Variants in MAP3K21 observed in about 807,000 individuals in gnomAD.
MAP3K21 encodes the protein mitogen-activated protein kinase kinase kinase MLK4.
MAP3K21 carries 63 observed loss-of-function variants against 86.1 expected under a neutral mutation model. The observed-to-expected ratio is 0.73, with a 90% confidence interval of 0.60 to 0.90. The LOEUF is 0.90. Among genes scored for constraint, MAP3K21 ranks in the 40% least tolerant of loss-of-function variants. The pLI is 0.00. For missense variants in MAP3K21, 1,220 were observed against 1,367.7 expected (o/e 0.89, Z 1.70); for synonymous variants, 558 against 564.8 (o/e 0.99, Z 0.17).
rs781344963 is a variant in MAP3K21, at chr1:233,362,291, C to T, written c.1550C>T (p.Ser517Leu). Residue 517 changes from serine to leucine, a missense_variant and splice_region_variant, in exon 5 of 10, where the codon TCA (serine) becomes TTA (leucine). Coordinates refer to ENST00000366624, the MANE Select transcript of MAP3K21 (RefSeq NM_032435.3). ...GATGGACATCGAATCAGTTTACCTT[C>T]AGGTATGATCTTGTTTTTATGTTTT... is the stretch of plus-strand genomic sequence containing the variant. ...LKDGHRISLP[S>L]DFQHKITVQA... 1.3e-5 allele frequency: 21 copies of T among 1,613,226 alleles called. No homozygotes were observed. The highest frequency in any genetic ancestry group is 1.8e-5 in the Non-Finnish European group (21 of 1,179,478).
At chr1:233,370,151 G>C (rs1421404910) in intron 5 of MAP3K21, among the ~76,000 whole-genome samples, 1 of 152,192 alleles carries the variant, frequency 6.6e-6, no homozygotes, top group East Asian at 1.9e-4. Flanking sequence ...TGCAGATGGA[G>C]AGAACAAAAG....
chr1:233,365,437 C>G (rs1246311221), intron 5 of MAP3K21, among the ~76,000 whole-genome samples: 1 of 152,042 alleles, frequency 6.6e-6, no homozygotes, highest in Non-Finnish European at 1.5e-5. Context: ...GGCAAAAACA[C>G]AAATAATTTG....
chr1:233,352,491 C>T (rs1382688136), intron 2 of MAP3K21, among the ~76,000 whole-genome samples: 3 of 151,484 alleles, frequency 2.0e-5, no homozygotes, highest in East Asian at 1.9e-4. Flanking sequence ...AGTGCAGTGG[C>T]GTGATCTCGG....
intron 5 of MAP3K21, among the ~76,000 whole-genome samples, chr1:233,369,029 G>A (rs1663634461): frequency 1.3e-5 from 2 of 152,240 alleles, no homozygotes; most frequent in Admixed American, 1.3e-4. Context: ...TATATTGAGG[G>A]AGGGGGCAGA....
intron 1 of MAP3K21, among the ~76,000 whole-genome samples, chr1:233,333,596 T>TA (rs1337312207): frequency 7.3e-5 from 4 of 55,120 alleles, no homozygotes; most frequent in Admixed American, 2.3e-4. Context: ...AATATTAAAA[T>TA]TAAAAAAAAA....
chr1:233,329,446 G>A (rs879259633), intron 1 of MAP3K21, among the ~76,000 whole-genome samples: 2 of 152,186 alleles, frequency 1.3e-5, no homozygotes, highest in African/African-American at 4.8e-5. Context: ...CTGAGGTTAC[G>A]AGTTTGAGAC....
chr1:233,351,177 A>G (rs1663246269), intron 2 of MAP3K21, among the ~76,000 whole-genome samples: 2 of 152,162 alleles, frequency 1.3e-5, no homozygotes, highest in East Asian at 1.9e-4. Flanking sequence ...GTCTCCTATA[A>G]TTAACTATAA....
At chr1:233,331,984 A>G (rs1392639355) in intron 1 of MAP3K21, among the ~76,000 whole-genome samples, 1 of 152,212 alleles carries the variant, frequency 6.6e-6, no homozygotes, top group African/African-American at 2.4e-5. Flanking sequence ...AGTAGAAAAT[A>G]CTTTATATAA....
chr1:233,381,363 T>A (rs1207889018), intron 9 of MAP3K21, among the ~76,000 whole-genome samples: 1 of 152,236 alleles, frequency 6.6e-6, no homozygotes, highest in Non-Finnish European at 1.5e-5. Context: ...CACTAAGTGC[T>A]CTGTAGAGCT....
At position 233,328,446 on chromosome 1, in the gene MAP3K21, C is replaced by T. The variant is rs867543710; in HGVS notation, c.418C>T (p.Arg140Cys). The T allele has an allele frequency of 6.7e-7, 1 of 1,495,144 alleles. No homozygotes were observed. The highest frequency in any genetic ancestry group is 8.8e-7 in the Non-Finnish European group (1 of 1,131,908). 92.6% of individuals were successfully genotyped at this position (1,495,144 alleles called of 1,614,324 possible). A position where few individuals can be genotyped will look rare whatever the true frequency, so the allele number is the denominator to read the frequency against. Residue 140 changes from arginine to cysteine, a missense_variant, in exon 1 of 10, where the codon CGC becomes TGC. Around this residue, in one of 5 missense-constraint regions of MAP3K21, gnomAD observed 369 missense variants for 385.3 expected, o/e 0.96. Coordinates refer to ENST00000366624, the MANE Select transcript of MAP3K21 (RefSeq NM_032435.3). This position sits in a 1 kb window ranked among gnomAD's most constrained non-coding sequence, Gnocchi z 8.7. ...CGCTGGGGGCTTCGGGCAGGTGTAC[C>T]GCGCCACCTGGCAGGGCCAGGAGGT... ...IGAGGFGQVY[R>C]ATWQGQEVAV...
chr1:233,373,457 A>T (rs1283781835), intron 6 of MAP3K21: 1 of 152,196 alleles, frequency 6.6e-6, no homozygotes, highest in Non-Finnish European at 1.5e-5. Flanking sequence ...TGGGACTTCA[A>T]ATGAATTCCA....
At chr1:233,356,435 G>A (rs558537762) in intron 4 of MAP3K21, among the ~76,000 whole-genome samples, 41 of 151,638 alleles carry the variant, frequency 2.7e-4, no homozygotes, top group Admixed American at 1.6e-3. Context: ...TTGAGATAGT[G>A]GCCATTATCA....
In MAP3K21 at chr1:233,372,540, C is replaced by T. The variant is rs552100889; in HGVS notation, c.1675+380C>T. 10 of 251,432 alleles carry T rather than the reference C, an allele frequency of 4.0e-5. 1 individual carries two copies. The East Asian group carries it at 6.7e-4, about 17-fold the overall frequency. 15.6% of individuals were successfully genotyped at this position (251,432 alleles called of 1,614,324 possible). A position where few individuals can be genotyped will look rare whatever the true frequency, so the allele number is the denominator to read the frequency against. On this transcript the variant is annotated intron_variant, in intron 6 of 9. Coordinates refer to ENST00000366624, the MANE Select transcript of MAP3K21 (RefSeq NM_032435.3). ...CAGGAATTCAGGATTACTTCTGTTT[C>T]TTTCTTTGTTTCGTGAGGGGAAAAA...
At chr1:233,352,921 T>C (rs911628124) in intron 2 of MAP3K21, among the ~76,000 whole-genome samples, 1 of 152,228 alleles carries the variant, frequency 6.6e-6, no homozygotes, top group Non-Finnish European at 1.5e-5. Flanking sequence ...AGAATAAATA[T>C]ATACAATGCA....
At chr1:233,357,829 T>A (rs1307127447) in intron 4 of MAP3K21, among the ~76,000 whole-genome samples, 1 of 152,196 alleles carries the variant, frequency 6.6e-6, no homozygotes, top group African/African-American at 2.4e-5. Context: ...GACTTCTGGG[T>A]GAATGCTGCA....
intron 8 of MAP3K21, among the ~76,000 whole-genome samples, chr1:233,377,574 G>A (rs1487624991): frequency 6.6e-6 from 1 of 152,128 alleles, no homozygotes; most frequent in Non-Finnish European, 1.5e-5. Flanking sequence ...GGGTTCTTTG[G>A]AGAAAGAAAG....
chr1:233,355,383 G>C (rs1663333101), intron 4 of MAP3K21, among the ~76,000 whole-genome samples: 1 of 152,084 alleles, frequency 6.6e-6, no homozygotes, highest in Non-Finnish European at 1.5e-5. Context: ...GTATGTCATA[G>C]GCATTCCCTG....
At chr1:233,347,423 A>G (rs1663168312) in intron 2 of MAP3K21, among the ~76,000 whole-genome samples, 1 of 152,210 alleles carries the variant, frequency 6.6e-6, no homozygotes, top group Non-Finnish European at 1.5e-5. Flanking sequence ...CAATTACAAA[A>G]TAACAAAGAA....
Position 233,376,417 on chromosome 1 carries a change from T to G in MAP3K21, c.1827-13T>G. The G allele has an allele frequency of 6.3e-7, 1 of 1,579,982 alleles. No homozygotes were observed. The highest frequency in any genetic ancestry group is 8.7e-7 in the Non-Finnish European group (1 of 1,149,814). The stretch of plus-strand genomic sequence containing the variant: ...GCTTCTATCTTATGAAAAGAAACAT[T>G]TTTCTCTTGTAGGATAAGACCTCTC... On this transcript the variant is annotated splice_polypyrimidine_tract_variant and intron_variant, in intron 7 of 9. Coordinates refer to ENST00000366624, the MANE Select transcript of MAP3K21 (RefSeq NM_032435.3).
Sources: gnomAD v4.1 joint callset for allele counts (sites outside exome capture counted in the v4.1 genomes callset) on GRCh38, gnomAD v4.1.1 for gene constraint, gnomAD v4.1.1 regional missense constraint, Gnocchi (gnomAD v3.1) non-coding constraint, MANE v1.5 for transcripts, NCBI Gene and HGNC (gene_info 2026-07-23, HGNC 2026-07-21) for gene names.